ARSA: variants seen among roughly 807,000 people sequenced by gnomAD.
ARSA encodes the protein cerebroside-sulfatase.
Under a neutral mutation model 37.8 loss-of-function variants are expected in ARSA, and 32 were observed. The observed-to-expected ratio is 0.85, with a 90% CI of 0.64 to 1.14. ARSA has a LOEUF of 1.14. Ranked by LOEUF, ARSA falls within the 50% of genes most tolerant of loss-of-function variation. The pLI, the probability that ARSA is intolerant of heterozygous loss-of-function variation, is 0.00. For synonymous variants in ARSA, 303 were observed against 303.4 expected, an observed-to-expected ratio of 1.00 and a Z score of 0.01; for missense variants, 685 against 686.3, an observed-to-expected ratio of 1.00 and a Z score of 0.02.
At position 50,627,214 on chromosome 22, in the gene ARSA, G is replaced by T. The variant is rs375898040; in HGVS notation, c.417C>A (p.Pro139=). ...CTAGAAATCGATGGAAGCCCTGATG[G>T]GGGGGCAGGAAGGCCCCCTCAGGCC... ...GVGPEGAFLP[P]HQGFHRFLGI... is the part of the protein sequence containing the mutation. Residue 139 remains proline, a synonymous_variant, in exon 2 of 8, where the codon CCC becomes CCA. Coordinates refer to ENST00000216124, the MANE Select transcript of ARSA (RefSeq NM_000487.6). The T allele has an allele frequency of 6.8e-6, 11 of 1,612,310 alleles. No individual in the cohort carries two copies. The Admixed American group carries it at 1.0e-4, about 15-fold the overall frequency.
chr22:50,625,595 A>G lies in ARSA; in HGVS notation c.1194T>C (p.Ala398=). The G allele has an allele frequency of 6.2e-7, 1 of 1,613,480 alleles. No individual in the cohort carries two copies. Among genetic ancestry groups the G allele is most frequent in the Admixed American group, 1.7e-5 (1 of 60,018 alleles). The change falls in exon 7 of 8, where the codon GCT becomes GCC. Residue 398 remains alanine, a synonymous_variant. Coordinates refer to ENST00000216124, the MANE Select transcript of ARSA (RefSeq NM_000487.6). ...VFAVRTGKYK[A]HFFTQGSAHS... ...AGGGGTTACCCTGGGTGAAGAAGTG[A>G]GCCTTGTACTTTCCAGTCCGCACAG...
At position 50,626,706 on chromosome 22, in the gene ARSA, C is replaced by T. The variant is rs74315471; in HGVS notation, c.739G>A (p.Gly247Arg). ...GQSFAERSGR[G>R]PFGDSLMELD... is the part of the protein sequence containing the mutation. ...TCCATCAGGGAGTCCCCAAATGGCCCGCGGCCTGAACGCTCTGCAAAGCTC... is the reference window on the plus strand; with the variant it reads ...TCCATCAGGGAGTCCCCAAATGGCCTGCGGCCTGAACGCTCTGCAAAGCTC... The change falls in exon 4 of 8, where the codon GGG (glycine) becomes AGG (arginine). Residue 247 changes from glycine to arginine, a missense_variant. Gly to Arg is a moderately radical substitution (Grantham distance 125, BLOSUM62 -2). Coordinates refer to ENST00000216124, the MANE Select transcript of ARSA (RefSeq NM_000487.6). The T allele has an allele frequency of 2.4e-5, 38 of 1,614,008 alleles. No individual in the cohort carries two copies. The highest frequency in any genetic ancestry group is 6.6e-5 in the South Asian group (6 of 91,092).
In ARSA at chr22:50,627,328, G is replaced by GC. The variant is rs761606317; in HGVS notation, c.302dup (p.Leu102ProfsTer32). 2.9e-5 allele frequency: 46 copies of GC among 1,589,352 alleles called. No homozygotes were observed. Among genetic ancestry groups the GC allele is most frequent in the African/African-American group, 4.0e-5 (3 of 74,514 alleles). On this transcript the variant is annotated frameshift_variant, in exon 2 of 8. Transcript: ENST00000216124. LOFTEE classifies it high-confidence loss of function. ...CCACGGTCACCTCCTCCAGGGGCAG[G>GC]CCCCCCCGGGAGCTGGGCACCAGGA...
Position 50,626,953 on chromosome 22 carries a change from C to T in ARSA, c.565G>A (p.Val189Met), listed in dbSNP as rs774085931. 17 of 1,612,930 alleles carry T rather than the reference C, an allele frequency of 1.1e-5. No homozygotes were observed. The East Asian group carries it at 1.8e-4, about 17-fold the overall frequency. ...VPIPLLANLS[V>M]EAQPPWLPGL... is the part of the protein sequence containing the mutation. ...GGCAGCCAGGGGGGCTGCGCCTCCACGGACAGGTTGGCCAACAGTGGGATG... is the reference window on the plus strand; with the variant it reads ...GGCAGCCAGGGGGGCTGCGCCTCCATGGACAGGTTGGCCAACAGTGGGATG... Residue 189 changes from valine (V) to methionine (M), a missense_variant, in exon 3 of 8, where the codon GTG becomes ATG. By Grantham distance (21) the Val-to-Met change is conservative. Transcript: ENST00000216124.
At position 50,627,285 on chromosome 22, in the gene ARSA, G is replaced by A. The variant is rs761860059; in HGVS notation, c.346C>T (p.Arg116Ter). 14 of 1,591,848 alleles carry A rather than the reference G, an allele frequency of 8.8e-6. No individual in the cohort carries two copies. The highest frequency in any genetic ancestry group is 3.4e-5 in the South Asian group (3 of 88,812). ...CCGGCCATTCCTGTGAGGTAGCCTC[G>A]GGCAGCCAGGACTTCGGCCACGGTC... is the stretch of plus-strand genomic sequence containing the variant. ...EVTVAEVLAA[R>*]GYLTGMAGKW... Residue 116 changes from arginine to a stop codon, truncating the protein, a stop_gained, in exon 2 of 8, where the codon CGA becomes TGA. Coordinates refer to ENST00000216124, the MANE Select transcript of ARSA (RefSeq NM_000487.6). LOFTEE classifies it high-confidence loss of function.
Position 50,626,694 on chromosome 22 carries a change from C to A in ARSA, c.751G>T (p.Asp251Tyr). ...GCTGCATCCAGCTCCATCAGGGAGT[C>A]CCCAAATGGCCCGCGGCCTGAACGC... is the stretch of plus-strand genomic sequence containing the variant. ...AERSGRGPFGDSLMELDAAVG... is the reference protein window; with the variant it reads ...AERSGRGPFGYSLMELDAAVG... The change falls in exon 4 of 8, where the codon GAC becomes TAC. Residue 251 changes from aspartate to tyrosine, a missense_variant. Coordinates refer to ENST00000216124, the MANE Select transcript of ARSA (RefSeq NM_000487.6). 1 of 1,614,140 alleles carries A rather than the reference C, an allele frequency of 6.2e-7. No homozygotes were observed. The highest frequency in any genetic ancestry group is 2.2e-5 in the East Asian group (1 of 44,884).
rs538549106 is a variant in ARSA, at chr22:50,627,424, G to A, written c.225-18C>T. 6.2e-7 allele frequency: 1 copy of A among 1,608,094 alleles called. No individual in the cohort carries two copies. Among genetic ancestry groups the A allele is most frequent in the East Asian group, 2.2e-5 (1 of 44,830 alleles). On this transcript the variant is annotated intron_variant, in intron 1 of 7. Transcript: ENST00000216124. ...GGGCGGCCCTGCGGGACAAGTCACAGAGTCCCTGAGACAGACAGAAATGTG... is the reference window on the plus strand; with the variant it reads ...GGGCGGCCCTGCGGGACAAGTCACAAAGTCCCTGAGACAGACAGAAATGTG...
Position 50,627,846 on chromosome 22 carries a change from C to T in ARSA, c.-67G>A, listed in dbSNP as rs1159003962. The T allele has an allele frequency of 2.8e-6, 4 of 1,438,492 alleles. No individual in the cohort carries two copies. The highest frequency in any genetic ancestry group is 3.7e-6 in the Non-Finnish European group (4 of 1,067,416). The allele number at this position is 1,438,492 out of a possible 1,614,324, so 89.1% of individuals were successfully genotyped here. A position where few individuals can be genotyped will look rare whatever the true frequency, so the allele number is the denominator to read the frequency against. ...CTCCAGCAGGCTCTTTCCGATACCG[C>T]AGACCCAGGCGCCGCCCTTCCCTGA... On this transcript the variant is annotated 5_prime_UTR_variant, in exon 1 of 8. Coordinates refer to ENST00000216124, the MANE Select transcript of ARSA (RefSeq NM_000487.6).
Position 50,625,926 on chromosome 22 carries a change from C to G in ARSA, c.1107+10G>C, listed in dbSNP as rs1298177681. Reference sequence around the variant, plus strand: ...GCCAAGGATCTGGGATCAGGGGTCACCGGCCCTACCTTGCCTGTGCCCAGC... The same window carrying G: ...GCCAAGGATCTGGGATCAGGGGTCAGCGGCCCTACCTTGCCTGTGCCCAGC... On this transcript the variant is annotated intron_variant, in intron 6 of 7. Transcript: ENST00000216124. 6.4e-7 allele frequency: 1 copy of G among 1,569,300 alleles called. No homozygotes were observed. Among genetic ancestry groups the G allele is most frequent in the Non-Finnish European group, 8.6e-7 (1 of 1,157,666 alleles).
chr22:50,626,543 C>A (rs1249849206), intron 4 of ARSA, 48 bp downstream of exon 4: 1 of 1,605,796 alleles, frequency 6.2e-7, no homozygotes, highest in Non-Finnish European at 8.5e-7. Flanking sequence ...GCCTCCAGGG[C>A]CCTGGCCCGT....
Position 50,626,869 on chromosome 22 carries a change from G to A in ARSA, c.649C>T (p.Gln217Ter). 1 of 1,613,436 alleles carries A rather than the reference G, an allele frequency of 6.2e-7. No homozygotes were observed. Among genetic ancestry groups the A allele is most frequent in the Non-Finnish European group, 8.5e-7 (1 of 1,179,812 alleles). Residue 217 changes from glutamine to a stop codon, truncating the protein, a stop_gained, in exon 3 of 8, where the codon CAG becomes TAG. Transcript: ENST00000216124. LOFTEE classifies it high-confidence loss of function. ...TAGTACAGGAAGAAGGGGCGATCCT[G>A]GCGCTGGGCGTCGGCCATGAGGTCA... The part of the protein sequence containing the change: ...AHDLMADAQR[Q>*]DRPFFLYYAS...
rs1019791612 is a variant in ARSA, at chr22:50,627,423, A to G, written c.225-17T>C. On this transcript the variant is annotated splice_polypyrimidine_tract_variant and intron_variant, in intron 1 of 7. Transcript: ENST00000216124. ...AGGGCGGCCCTGCGGGACAAGTCACAGAGTCCCTGAGACAGACAGAAATGT... is the reference window on the plus strand; with the variant it reads ...AGGGCGGCCCTGCGGGACAAGTCACGGAGTCCCTGAGACAGACAGAAATGT... The G allele has an allele frequency of 6.2e-7, 1 of 1,608,034 alleles. No homozygotes were observed. Among genetic ancestry groups the G allele is most frequent in the Non-Finnish European group, 8.5e-7 (1 of 1,179,342 alleles).
rs995366846 is a variant in ARSA, at chr22:50,627,484, G to GC, written c.224+71dup. On this transcript the variant is annotated intron_variant, in intron 1 of 7. Transcript: ENST00000216124. ...AGAGAGAGAGACAGACGTTTTTCCC[G>GC]CCCCCCTGCAATCCATTGGGAGGAA... is the stretch of plus-strand genomic sequence containing the variant. The GC allele has an allele frequency of 8.2e-6, 13 of 1,589,822 alleles. No individual in the cohort carries two copies. In the Middle Eastern group the frequency reaches 5.3e-4, roughly 65 times the overall value.
At position 50,624,756 on chromosome 22, in the gene ARSA, T is replaced by C. The variant is rs547501508; in HGVS notation, c.*389A>G. Among the ~76,000 whole-genome samples the C allele has an allele frequency of 1.0e-5, 1 of 100,276 alleles. No individual in the cohort carries two copies. Among genetic ancestry groups the C allele is most frequent in the East Asian group, 3.5e-4 (1 of 2,870 alleles). 65.8% of individuals were successfully genotyped at this position (100,276 alleles called of 152,430 possible). A position where few individuals can be genotyped will look rare whatever the true frequency, so the allele number is the denominator to read the frequency against. On this transcript the variant is annotated 3_prime_UTR_variant, in exon 8 of 8. Transcript: ENST00000216124. ...CACCCTCCCACCCCGTTCCTGGCAC[T>C]CAAAGGCACGTGGCGCTGCTCCTGT...
Position 50,625,565 on chromosome 22 carries a change from C to T in ARSA, c.1210+14G>A, listed in dbSNP as rs557367346. 35 of 1,611,816 alleles carry T rather than the reference C, an allele frequency of 2.2e-5. No individual in the cohort carries two copies. The South Asian group carries it at 2.2e-4, about 10-fold the overall frequency. On this transcript the variant is annotated intron_variant, in intron 7 of 7. Transcript: ENST00000216124. ...TCAGCAGGTCGGGGGGAGGGATCCA[C>T]GGGGAGGGGTTACCCTGGGTGAAGA...
At chr22:50,625,828 C>A in intron 6 of ARSA, 108 bp downstream of exon 6, 2 of 1,541,604 alleles carry the variant, frequency 1.3e-6, no homozygotes, top group Non-Finnish European at 8.8e-7. Context: ...GGATGCCACT[C>A]AGTGCAGGAG....
Position 50,625,030 on chromosome 22 carries a change from C to T in ARSA, c.*115G>A. 1.6e-6 allele frequency: 2 copies of T among 1,232,136 alleles called. No homozygotes were observed. The highest frequency in any genetic ancestry group is 5.1e-5 in the East Asian group (2 of 38,952). The allele number at this position is 1,232,136 out of a possible 1,614,324, so 76.3% of individuals were successfully genotyped here. A position where few individuals can be genotyped will look rare whatever the true frequency, so the allele number is the denominator to read the frequency against. ...AGGATTGGACGAATTGTCACATCTG[C>T]AAGTCTCCACTGGTGTTATTACGTT... On this transcript the variant is annotated 3_prime_UTR_variant, in exon 8 of 8. Coordinates refer to ENST00000216124, the MANE Select transcript of ARSA (RefSeq NM_000487.6).
In ARSA at chr22:50,626,196, G is replaced by C. The variant is rs551472773; in HGVS notation, c.937C>G (p.Arg313Gly). 6.2e-7 allele frequency: 1 copy of C among 1,611,092 alleles called. No homozygotes were observed. Among genetic ancestry groups the C allele is most frequent in the Non-Finnish European group, 8.5e-7 (1 of 1,179,126 alleles). Residue 313 changes from arginine (R) to glycine (G), a missense_variant, in exon 5 of 8, where the codon CGA becomes GGA. Arg to Gly is a moderately radical substitution (Grantham distance 125). Coordinates refer to ENST00000216124, the MANE Select transcript of ARSA (RefSeq NM_000487.6). ...GGCCAGAAGGCCAAGGCAGGCTCTC[G>C]GACACCGCCCTCGTAGGTCGTTCCC... ...GKGTTYEGGV[R>G]EPALAFWPGH...
At position 50,624,950 on chromosome 22, in the gene ARSA, C is replaced by T. The variant is rs951477609; in HGVS notation, c.*195G>A. The T allele has an allele frequency of 6.0e-6, 4 of 669,714 alleles. No individual in the cohort carries two copies. In the African/African-American group the frequency reaches 7.3e-5, roughly 12 times the overall value. The allele number at this position is 669,714 out of a possible 1,614,324, so 41.5% of individuals were successfully genotyped here. The stretch of plus-strand genomic sequence containing the variant: ...GTACAAGTCCTGAACCTCTCTGCAC[C>T]TCAGTTTCCTCATTCGTACCACAGG... On this transcript the variant is annotated 3_prime_UTR_variant, in exon 8 of 8. Coordinates refer to ENST00000216124, the MANE Select transcript of ARSA (RefSeq NM_000487.6).
Sources: allele counts gnomAD v4.1 joint callset (sites outside exome capture counted in the v4.1 genomes callset), GRCh38; gene constraint gnomAD v4.1.1; transcripts MANE v1.5; gene names NCBI Gene and HGNC (gene_info 2026-07-23, HGNC 2026-07-21).